EXT1: variants seen among roughly 807,000 people sequenced by gnomAD.
EXT1 encodes the protein exostosin glycosyltransferase 1.
In EXT1, 20 loss-of-function variants were observed where a neutral mutation model predicts 82.5. That is an observed-to-expected ratio of 0.24 (90% CI 0.17 to 0.35). EXT1 has a LOEUF of 0.35. Among genes scored for constraint, EXT1 ranks in the 10% least tolerant of loss-of-function variants. The pLI, the probability that EXT1 is intolerant of heterozygous loss-of-function variation, is 1.00. For missense variants in EXT1, 757 were observed against 936.5 expected (o/e 0.81, Z 2.50); for synonymous variants, 348 against 350.8 (o/e 0.99, Z 0.09).
chr8:118,079,656 C>T (rs1289368663), intron 1 of EXT1, among the ~76,000 whole-genome samples: 3 of 139,536 alleles, frequency 2.1e-5, no homozygotes, highest in Non-Finnish European at 4.7e-5. Context: ...TCTAACACCG[C>T]CCCCACCCCC....
intron 1 of EXT1, among the ~76,000 whole-genome samples, chr8:117,916,780 G>A (rs1314042151): frequency 1.3e-5 from 2 of 151,908 alleles, no homozygotes; most frequent in Non-Finnish European, 2.9e-5. Flanking sequence ...GGGTGTGGTG[G>A]CCTGTAATCC....
chr8:118,043,767 T>A (rs1398875571), intron 1 of EXT1, among the ~76,000 whole-genome samples: 1 of 152,204 alleles, frequency 6.6e-6, no homozygotes, highest in East Asian at 1.9e-4. Context: ...TGTTATGTTT[T>A]ATTTCTAGGA....
chr8:117,994,457 A>G lies in EXT1; in HGVS notation c.962+115628T>C, dbSNP rs115543094. On this transcript the variant is annotated intron_variant, in intron 1 of 10. Coordinates refer to ENST00000378204, the MANE Select transcript of EXT1 (RefSeq NM_000127.3). ...CAAAGCCCATCTCTATAAAAAATAC[A>G]AAAATTAGCCAGTCATGGTGATACA... Among the ~76,000 whole-genome samples, 1,478 of 152,254 alleles carry G rather than the reference A, an allele frequency of 9.7e-3. 24 individuals carry two copies. The highest frequency in any genetic ancestry group is 0.034 in the African/African-American group (1,425 of 41,548).
rs751658040 is a variant in EXT1, at chr8:118,111,086, G to A, written c.-40C>T. The A allele has an allele frequency of 2.6e-6, 4 of 1,551,176 alleles. No individual in the cohort carries two copies. Among genetic ancestry groups the A allele is most frequent in the Non-Finnish European group, 3.5e-6 (4 of 1,154,710 alleles). Reference sequence around the variant, plus strand: ...TCAAGAGGATTGTAAATAAACACAAGAATCACCCAAGTTTCCCAATCAACA... The same window carrying A: ...TCAAGAGGATTGTAAATAAACACAAAAATCACCCAAGTTTCCCAATCAACA... On this transcript the variant is annotated 5_prime_UTR_variant, in exon 1 of 11. Transcript: ENST00000378204.
intron 10 of EXT1, among the ~76,000 whole-genome samples, chr8:117,801,445 G>A (rs1823165730): frequency 6.6e-6 from 1 of 152,294 alleles, no homozygotes; most frequent in Non-Finnish European, 1.5e-5. Flanking sequence ...GTTCATATCA[G>A]AGTAGACAAT....
intron 1 of EXT1, among the ~76,000 whole-genome samples, chr8:118,001,914 G>T (rs1391851813): frequency 2.6e-5 from 4 of 152,118 alleles, no homozygotes; most frequent in African/African-American, 7.2e-5. Flanking sequence ...CATAAGAAAA[G>T]ATTTTATTAA....
intron 1 of EXT1, among the ~76,000 whole-genome samples, chr8:117,933,114 C>G (rs192116217): frequency 6.6e-6 from 1 of 152,146 alleles, no homozygotes. Flanking sequence ...ACTCACTTTT[C>G]GCCTCCAAAG....
At chr8:117,996,122 C>A (rs1815534342) in intron 1 of EXT1, among the ~76,000 whole-genome samples, 1 of 152,158 alleles carries the variant, frequency 6.6e-6, no homozygotes, top group Middle Eastern at 3.2e-3. Flanking sequence ...TCCAAGGCTA[C>A]TTCCCTTGGT....
At chr8:117,881,405 A>T (rs943648910) in intron 1 of EXT1, among the ~76,000 whole-genome samples, 4 of 152,194 alleles carry the variant, frequency 2.6e-5, no homozygotes, top group Non-Finnish European at 5.9e-5. Flanking sequence ...CATAAATACC[A>T]GTTGAATGAA....
At chr8:117,993,030 T>G (rs1250510562) in intron 1 of EXT1, among the ~76,000 whole-genome samples, 1 of 152,186 alleles carries the variant, frequency 6.6e-6, no homozygotes, top group Non-Finnish European at 1.5e-5. Context: ...AGAACCCAAA[T>G]TACATTCATT....
At chr8:118,108,557 T>C (rs904911644) in intron 1 of EXT1, among the ~76,000 whole-genome samples, 13 of 152,230 alleles carry the variant, frequency 8.5e-5, no homozygotes, top group Non-Finnish European at 1.6e-4. Flanking sequence ...CATTCATACA[T>C]AACTGCCCCT....
At chr8:117,813,670 G>C (rs779689997) in intron 7 of EXT1, among the ~76,000 whole-genome samples, 9 of 152,170 alleles carry the variant, frequency 5.9e-5, no homozygotes, top group Non-Finnish European at 1.3e-4. Flanking sequence ...TAATATTAAA[G>C]TTACAAATAA....
chr8:118,107,454 G>A (rs1461719791), intron 1 of EXT1, among the ~76,000 whole-genome samples: 2 of 152,138 alleles, frequency 1.3e-5, no homozygotes, highest in Non-Finnish European at 2.9e-5. Flanking sequence ...CCATGAGTCA[G>A]TATGAGAAGT....
At chr8:117,836,242 C>T (rs1371296101) in intron 2 of EXT1, among the ~76,000 whole-genome samples, 1 of 152,162 alleles carries the variant, frequency 6.6e-6, no homozygotes, top group Non-Finnish European at 1.5e-5. Context: ...CTTTATGCAG[C>T]ATCCCAGGAG....
chr8:118,008,203 G>A (rs9297573), intron 1 of EXT1, among the ~76,000 whole-genome samples: 61,904 of 151,728 alleles, frequency 0.41, 12,817 homozygotes, highest in Admixed American at 0.47. Context: ...GTTTGCTGAA[G>A]ATGATGGCCA....
At chr8:118,068,765 CAAAAT>C (rs1021935638) in intron 1 of EXT1, among the ~76,000 whole-genome samples, 11 of 152,162 alleles carry the variant, frequency 7.2e-5, no homozygotes, top group Non-Finnish European at 1.5e-4. Flanking sequence ...AATAAACACT[CAAAAT>C]AAATTTTAAA....
chr8:117,920,207 C>T (rs1001971779), intron 1 of EXT1, among the ~76,000 whole-genome samples: 15 of 152,206 alleles, frequency 9.9e-5, no homozygotes, highest in South Asian at 4.2e-4. Flanking sequence ...CAGGTTCAGG[C>T]GATTCTCTTG....
intron 1 of EXT1, among the ~76,000 whole-genome samples, chr8:117,867,408 C>T (rs1480979893): frequency 6.6e-6 from 1 of 152,070 alleles, no homozygotes; most frequent in African/African-American, 2.4e-5. Context: ...AATGTCCGTC[C>T]ATGGGCAATT....
chr8:118,092,585 A>G (rs1563653465), intron 1 of EXT1, among the ~76,000 whole-genome samples: 1 of 152,206 alleles, frequency 6.6e-6, no homozygotes, highest in African/African-American at 2.4e-5. Flanking sequence ...TGAAAGACAT[A>G]AGGAGGACGA....
Sources: allele counts gnomAD v4.1 joint callset (sites outside exome capture counted in the v4.1 genomes callset), GRCh38; gene constraint gnomAD v4.1.1; transcripts MANE v1.5; gene names NCBI Gene and HGNC (gene_info 2026-07-23, HGNC 2026-07-21).